BPI: variants seen among roughly 807,000 people sequenced by gnomAD.
BPI encodes bactericidal permeability-increasing protein.
Under a neutral mutation model 57.6 loss-of-function variants are expected in BPI, and 48 were observed. That is an observed-to-expected ratio of 0.83 (90% CI 0.66 to 1.06). BPI has a LOEUF of 1.06. Ranked by LOEUF, BPI falls within the 50% of genes least tolerant of loss-of-function variation. The pLI is 0.00. For synonymous variants in BPI, 237 were observed against 238.2 expected, an observed-to-expected ratio of 0.99 and a Z score of 0.05; for missense variants, 651 against 609.7, an observed-to-expected ratio of 1.07 and a Z score of -0.71.
chr20:38,327,345 C>G (rs866779588), intron 10 of BPI, among the ~76,000 whole-genome samples: 9 of 152,104 alleles, frequency 5.9e-5, no homozygotes, highest in African/African-American at 2.2e-4. Flanking sequence ...GCAGCCTCTC[C>G]GAGAGTGGCC....
chr20:38,304,450 C>G (rs2076587766), intron 1 of BPI, 97 bp downstream of exon 1: 1 of 1,483,924 alleles, frequency 6.7e-7, no homozygotes, highest in Non-Finnish European at 9.0e-7. Flanking sequence ...CTGGCACACT[C>G]ATAGCACCTC....
chr20:38,326,488 G>A, intron 10 of BPI, 56 bp downstream of exon 10: 1 of 1,515,936 alleles, frequency 6.6e-7, no homozygotes, highest in Non-Finnish European at 8.9e-7. Context: ...CAACAGCACT[G>A]TCTTTGGAGT....
intron 5 of BPI, among the ~76,000 whole-genome samples, chr20:38,313,772 G>A (rs1377017319): frequency 1.3e-5 from 2 of 149,858 alleles, no homozygotes; most frequent in South Asian, 2.2e-4. Flanking sequence ...GACGGTGATG[G>A]TGAGGTTGAT....
At chr20:38,316,952 T>G (rs1323146823) in intron 5 of BPI, among the ~76,000 whole-genome samples, 1 of 152,010 alleles carries the variant, frequency 6.6e-6, no homozygotes, top group Non-Finnish European at 1.5e-5. Flanking sequence ...ACATCTTCAG[T>G]GAAGGAGGAA....
chr20:38,326,230 C>G, intron 9 of BPI, 35 bp from the exon 10 acceptor site: 1 of 1,586,328 alleles, frequency 6.3e-7, no homozygotes, highest in Non-Finnish European at 8.6e-7. Flanking sequence ...ACAGAAACTC[C>G]TCCTTTCGTT....
At chr20:38,317,856 T>A (rs1183361171) in intron 5 of BPI, 2 of 1,484,972 alleles carry the variant, frequency 1.3e-6, no homozygotes, top group Non-Finnish European at 8.9e-7. Context: ...CTAGTGTTTG[T>A]TCCATTGTGA....
rs1600711207 is a variant in BPI at position 38,327,640 on chromosome 20, A to G, written c.1214A>G (p.Glu405Gly). 1.2e-6 allele frequency: 2 copies of G among 1,613,642 alleles called. No homozygotes were observed. Among genetic ancestry groups the G allele is most frequent in the Non-Finnish European group, 1.7e-6 (2 of 1,179,746 alleles). Residue 405 changes from glutamate to glycine, a missense_variant, in exon 11 of 15, where the codon GAG becomes GGG. By Grantham distance (98) the Glu-to-Gly change is moderately conservative. Transcript: ENST00000642449. ...VSAESNRLVG[E>G]LKLDRLLLEL... ...GCCGAGTCCAACAGGCTTGTTGGAGAGCTCAAGCTGGATAGGTAAGTGGGC... is the reference window on the plus strand; with the variant it reads ...GCCGAGTCCAACAGGCTTGTTGGAGGGCTCAAGCTGGATAGGTAAGTGGGC...
chr20:38,336,270 C>G (rs983610440), intron 14 of BPI, among the ~76,000 whole-genome samples: 1 of 152,088 alleles, frequency 6.6e-6, no homozygotes, highest in Non-Finnish European at 1.5e-5. Flanking sequence ...CAGGACCCCT[C>G]CCCAGGCCTC....
At position 38,311,792 on chromosome 20, in the gene BPI, C is replaced by G. The variant is rs1023479430; in HGVS notation, c.537-82C>G. The G allele has an allele frequency of 7.0e-6, 10 of 1,421,740 alleles. No individual in the cohort carries two copies. The African/African-American group carries it at 1.4e-4, about 20-fold the overall frequency. The allele number at this position is 1,421,740 out of a possible 1,614,324, so 88.1% of individuals were successfully genotyped here. A position where few individuals can be genotyped will look rare whatever the true frequency, so the allele number is the denominator to read the frequency against. On this transcript the variant is annotated intron_variant, in intron 4 of 14. Transcript: ENST00000642449. ...AACCTGTTTCTAGGAGGGAAGAAAG[C>G]TTTTGAGATGAGGCAGCCTCCTGAA...
intron 3 of BPI, among the ~76,000 whole-genome samples, chr20:38,309,887 G>A (rs1395031472): frequency 6.6e-6 from 1 of 152,180 alleles, no homozygotes; most frequent in South Asian, 2.1e-4. Flanking sequence ...TGAAAGGGGC[G>A]TGAGTCTGCC....
intron 9 of BPI, among the ~76,000 whole-genome samples, chr20:38,325,719 T>G (rs1291193111): frequency 2.6e-5 from 4 of 152,110 alleles, no homozygotes; most frequent in Admixed American, 2.6e-4. Flanking sequence ...ACAGAGAAGC[T>G]CTGGTTGGGG....
intron 11 of BPI, among the ~76,000 whole-genome samples, chr20:38,329,337 C>T (rs944814442): frequency 6.6e-6 from 1 of 152,220 alleles, no homozygotes; most frequent in African/African-American, 2.4e-5. Flanking sequence ...GACCCACATC[C>T]CTGCCCAGTC....
chr20:38,330,278 A>G (rs1302350845), intron 11 of BPI, among the ~76,000 whole-genome samples: 2 of 152,186 alleles, frequency 1.3e-5, no homozygotes, highest in East Asian at 1.9e-4. Flanking sequence ...TGCTTTGCTA[A>G]TTGTTAGCTG....
chr20:38,317,550 T>A, intron 5 of BPI: 3 of 669,846 alleles, frequency 4.5e-6, no homozygotes, highest in Non-Finnish European at 8.3e-6. Flanking sequence ...TCTCGTAGCA[T>A]TGAGTGGGTT....
intron 6 of BPI, among the ~76,000 whole-genome samples, chr20:38,319,534 A>G (rs2076670420): frequency 6.6e-6 from 1 of 152,242 alleles, no homozygotes; most frequent in South Asian, 2.1e-4. Flanking sequence ...TGGCCTCAAG[A>G]GGCAGGAAAA....
chr20:38,318,133 AC>A (rs1477032417), intron 5 of BPI: 25 of 806,586 alleles, frequency 3.1e-5, no homozygotes, highest in Admixed American at 6.2e-5. Context: ...AAAAAAAAAA[AC>A]CTTATAAAAT....
intron 4 of BPI, 77 bp downstream of exon 4, chr20:38,310,729 C>T: frequency 6.5e-7 from 1 of 1,542,474 alleles, no homozygotes; most frequent in South Asian, 1.2e-5. Context: ...ATTCCGAAAA[C>T]ACATCCAGAG....
chr20:38,307,553 C>A lies in BPI; in HGVS notation c.131-14C>A. 1 of 1,592,680 alleles carries A rather than the reference C, an allele frequency of 6.3e-7. No individual in the cohort carries two copies. The highest frequency in any genetic ancestry group is 8.6e-7 in the Non-Finnish European group (1 of 1,168,882). The stretch of plus-strand genomic sequence containing the variant: ...GCTGTGCCTCTCACTGTCACCCCTG[C>A]CTTCTCCCTTCAGCCAGCCAGCAGG... On this transcript the variant is annotated splice_polypyrimidine_tract_variant and intron_variant, in intron 1 of 14. Transcript: ENST00000642449.
chr20:38,336,791 A>C (rs915234266), intron 14 of BPI, among the ~76,000 whole-genome samples: 2 of 152,204 alleles, frequency 1.3e-5, no homozygotes, highest in Non-Finnish European at 2.9e-5. Flanking sequence ...AAAAATCCTG[A>C]GTGAAGGACA....
Sources: gnomAD v4.1 joint callset for allele counts (sites outside exome capture counted in the v4.1 genomes callset) on GRCh38, gnomAD v4.1.1 for gene constraint, MANE v1.5 for transcripts, NCBI Gene and HGNC (gene_info 2026-07-23, HGNC 2026-07-21) for gene names.